The following WWOX variants were observed in gnomAD, a reference collection of about 807,000 sequenced individuals.
WWOX encodes the protein WW domain-containing oxidoreductase.
WWOX carries 69 observed loss-of-function variants against 46.2 expected under a neutral mutation model. That is an observed-to-expected ratio of 1.49 (90% CI 1.23 to 1.82). The LOEUF is 1.82. WWOX is among the 40% of genes most tolerant of loss of function. The pLI, the probability that WWOX is intolerant of heterozygous loss-of-function variation, is 0.00. For missense variants in WWOX, 919 were observed against 542.6 expected (o/e 1.69, Z -6.89); for synonymous variants, 359 against 202.6 (o/e 1.77, Z -6.56).
intron 8 of WWOX, among the ~76,000 whole-genome samples, chr16:78,591,358 C>G (rs867887314): frequency 1.2e-4 from 18 of 152,156 alleles, no homozygotes; most frequent in African/African-American, 2.9e-4. Context: ...CTGGGACCAC[C>G]AGGATTGGGT....
chr16:78,399,711 C>A (rs73571016), intron 6 of WWOX, among the ~76,000 whole-genome samples: 2,225 of 152,244 alleles, frequency 0.015, 56 homozygotes, highest in African/African-American at 0.05. Context: ...ATTATATTTC[C>A]CAACTTGGCC....
intron 5 of WWOX, among the ~76,000 whole-genome samples, chr16:78,306,700 C>T (rs1224718579): frequency 6.6e-6 from 1 of 151,866 alleles, no homozygotes; most frequent in Non-Finnish European, 1.5e-5. Flanking sequence ...TGCCTTCCCA[C>T]AATTCCCTGT....
At chr16:78,680,456 C>A (rs1440658431) in intron 8 of WWOX, among the ~76,000 whole-genome samples, 1 of 151,960 alleles carries the variant, frequency 6.6e-6, no homozygotes, top group African/African-American at 2.4e-5. Context: ...ATCGCTTGAG[C>A]CCCGGGAGGT....
At chr16:78,713,382 C>A (rs1007568830) in intron 8 of WWOX, among the ~76,000 whole-genome samples, 1 of 150,926 alleles carries the variant, frequency 6.6e-6, no homozygotes, top group Non-Finnish European at 1.5e-5. Context: ...ACAGGACCAG[C>A]AGAGCTCCGT....
At chr16:78,299,853 G>C (rs916731446) in intron 5 of WWOX, among the ~76,000 whole-genome samples, 7 of 152,070 alleles carry the variant, frequency 4.6e-5, no homozygotes, top group Non-Finnish European at 8.8e-5. Flanking sequence ...TTGTCAAGCA[G>C]GACATCAAAG....
chr16:78,622,794 G>A (rs1432477547), intron 8 of WWOX, among the ~76,000 whole-genome samples: 3 of 152,152 alleles, frequency 2.0e-5, no homozygotes, highest in Non-Finnish European at 2.9e-5. Flanking sequence ...TACCATTAAG[G>A]TCTTACATGA....
intron 8 of WWOX, among the ~76,000 whole-genome samples, chr16:78,572,901 T>G (rs1480937072): frequency 6.6e-6 from 1 of 152,130 alleles, no homozygotes; most frequent in African/African-American, 2.4e-5. Context: ...ATTCTATATG[T>G]TATTAAAGTG....
chr16:78,594,966 A>G (rs1288173704), intron 8 of WWOX, among the ~76,000 whole-genome samples: 1 of 152,212 alleles, frequency 6.6e-6, no homozygotes, highest in Non-Finnish European at 1.5e-5. Flanking sequence ...TCCTTTCACA[A>G]TAACCCTATC....
chr16:78,156,645 T>C (rs1459321783), intron 4 of WWOX, among the ~76,000 whole-genome samples: 2 of 152,138 alleles, frequency 1.3e-5, no homozygotes, highest in East Asian at 3.9e-4. Flanking sequence ...AGCTCTGTAC[T>C]GGGTGTGGTG....
chr16:78,747,063 C>A (rs756065967), intron 8 of WWOX, among the ~76,000 whole-genome samples: 1 of 152,080 alleles, frequency 6.6e-6, no homozygotes, highest in Admixed American at 6.6e-5. Context: ...AATGTCCTCC[C>A]AATATCCTGC....
chr16:78,549,909 C>A (rs916573084), intron 8 of WWOX, among the ~76,000 whole-genome samples: 1 of 151,430 alleles, frequency 6.6e-6, no homozygotes, highest in African/African-American at 2.4e-5. Flanking sequence ...TAAACAAGGA[C>A]AGAGTTGACT....
chr16:78,415,467 C>A (rs1478785268), intron 6 of WWOX, among the ~76,000 whole-genome samples: 1 of 152,088 alleles, frequency 6.6e-6, no homozygotes, highest in Non-Finnish European at 1.5e-5. Flanking sequence ...AATGCCTGAC[C>A]TCGTGGGAAT....
chr16:78,805,531 C>T (rs934669459), intron 8 of WWOX, among the ~76,000 whole-genome samples: 10 of 151,982 alleles, frequency 6.6e-5, no homozygotes, highest in Non-Finnish European at 1.3e-4. Flanking sequence ...GATCCGCCCG[C>T]CTCAGCCTCC....
At chr16:78,163,622 C>G (rs748772616) in intron 4 of WWOX, among the ~76,000 whole-genome samples, 1 of 152,212 alleles carries the variant, frequency 6.6e-6, no homozygotes, top group South Asian at 2.1e-4. Context: ...CTGATGCCTT[C>G]AAACAGATAT....
chr16:78,743,466 A>C (rs1243717123), intron 8 of WWOX, among the ~76,000 whole-genome samples: 1 of 140,484 alleles, frequency 7.1e-6, no homozygotes, highest in African/African-American at 2.4e-5. Context: ...TTAGAGAAGA[A>C]ATTAGAAAAG....
intron 8 of WWOX, among the ~76,000 whole-genome samples, chr16:78,452,419 T>G (rs1380709384): frequency 1.3e-5 from 2 of 152,098 alleles, no homozygotes; most frequent in East Asian, 3.9e-4. Flanking sequence ...TGCATGTGTG[T>G]GTACATGTAA....
chr16:78,926,573 A>G (rs1166362315), intron 8 of WWOX, among the ~76,000 whole-genome samples: 1 of 152,102 alleles, frequency 6.6e-6, no homozygotes, highest in Non-Finnish European at 1.5e-5. Flanking sequence ...GCAGACGTAC[A>G]CTTCTTTGCT....
chr16:79,080,986 C>G (rs908865364), intron 8 of WWOX, among the ~76,000 whole-genome samples: 4 of 152,132 alleles, frequency 2.6e-5, no homozygotes, highest in East Asian at 1.9e-4. Flanking sequence ...TTTTATACCT[C>G]CAAACACACA....
intron 8 of WWOX, among the ~76,000 whole-genome samples, chr16:78,862,825 A>C (rs1237639617): frequency 1.3e-5 from 2 of 152,220 alleles, no homozygotes; most frequent in Non-Finnish European, 2.9e-5. Context: ...TACTCATAGT[A>C]CTAATCGAAA....
Sources: gnomAD v4.1 joint callset for allele counts (sites outside exome capture counted in the v4.1 genomes callset) on GRCh38, gnomAD v4.1.1 for gene constraint, MANE v1.5 for transcripts, NCBI Gene and HGNC (gene_info 2026-07-23, HGNC 2026-07-21) for gene names.